The following A2ML1 variants were observed in gnomAD, a reference collection of about 807,000 sequenced individuals.
A2ML1 encodes alpha-2-macroglobulin like 1.
Under a neutral mutation model 181.9 loss-of-function variants are expected in A2ML1, and 161 were observed. The ratio of observed to expected loss-of-function variants is 0.89; its 90% CI spans 0.78 to 1.01. The LOEUF is 1.01. Among genes scored for constraint, A2ML1 ranks in the 50% least tolerant of loss-of-function variants. The probability of loss-of-function intolerance (pLI) is 0.00; values close to 1 mark genes in which losing one functional copy is unlikely to be tolerated. For synonymous variants in A2ML1, 663 were observed against 666.8 expected, an observed-to-expected ratio of 0.99 and a Z score of 0.09; for missense variants, 1,670 against 1,768.1, an observed-to-expected ratio of 0.94 and a Z score of 1.00.
chr12:8,853,826 C>T (rs1356800621), intron 20 of A2ML1, among the ~76,000 whole-genome samples: 1 of 152,190 alleles, frequency 6.6e-6, no homozygotes, highest in Non-Finnish European at 1.5e-5. Context: ...TACTTTCACC[C>T]TGTTCTCTTT....
Position 8,848,737 on chromosome 12 carries a change from A to G in A2ML1, c.1851A>G (p.Pro617=). ...TGTCCCAGGTCTATGGGATGTTTCCATTCTGGTATGGTCACTACCCCTATC... is the reference window on the plus strand; with the variant it reads ...TGTCCCAGGTCTATGGGATGTTTCCGTTCTGGTATGGTCACTACCCCTATC... The part of the protein sequence containing the change: ...LSNRSVYGMF[P]FWYGHYPYQV... Residue 617 remains proline, a synonymous_variant, in exon 16 of 36, where the codon CCA becomes CCG. Coordinates refer to ENST00000299698, the MANE Select transcript of A2ML1 (RefSeq NM_144670.6). The G allele has an allele frequency of 1.2e-6, 2 of 1,607,596 alleles. No individual in the cohort carries two copies. The highest frequency in any genetic ancestry group is 1.7e-5 in the Admixed American group (1 of 58,840).
chr12:8,880,639 T>G (rs1944861724), downstream of A2ML1: 1 of 148,852 alleles, frequency 6.7e-6, no homozygotes. Flanking sequence ...GAACGGGGAG[T>G]GGGAGGGGGA....
intron 11 of A2ML1, among the ~76,000 whole-genome samples, chr12:8,841,934 A>G (rs1264101675): frequency 6.6e-6 from 1 of 152,220 alleles, no homozygotes; most frequent in African/African-American, 2.4e-5. Context: ...ATAAGTATCA[A>G]TTATCAACTG....
intron 7 of A2ML1, among the ~76,000 whole-genome samples, chr12:8,882,614 G>T (rs190363652): frequency 2.2e-4 from 34 of 152,056 alleles, no homozygotes; most frequent in Non-Finnish European, 4.3e-4. Flanking sequence ...TATACACAAG[G>T]CTGCCTCTAT....
chr12:8,869,928 A>G (rs1454455243), intron 33 of A2ML1, among the ~76,000 whole-genome samples: 2 of 152,252 alleles, frequency 1.3e-5, no homozygotes, highest in Non-Finnish European at 2.9e-5. Flanking sequence ...TCATCACTTT[A>G]TAGCTATTCC....
chr12:8,823,699 G>C (rs1206151766), intron 2 of A2ML1, 21 bp from the exon 3 acceptor site: 3 of 1,609,356 alleles, frequency 1.9e-6, no homozygotes, highest in Non-Finnish European at 2.5e-6. Flanking sequence ...CCCCTCCCCA[G>C]AAGTCCCCTT....
Position 8,869,040 on chromosome 12 carries a change from A to G in A2ML1, c.4153-95A>G, listed in dbSNP as rs745978965. 1.8e-4 allele frequency: 216 copies of G among 1,206,248 alleles called. No individual in the cohort carries two copies. In the African/African-American group the frequency reaches 3.1e-3, roughly 17 times the overall value. The allele number at this position is 1,206,248 out of a possible 1,614,324, so 74.7% of individuals were successfully genotyped here. On this transcript the variant is annotated intron_variant, in intron 32 of 35. Coordinates refer to ENST00000299698, the MANE Select transcript of A2ML1 (RefSeq NM_144670.6). Reference sequence around the variant, plus strand: ...TCCCTTTTCCTACCTTTTCCACAGTATATATTGTTTCCTTGATCATGGCAG... The same window carrying G: ...TCCCTTTTCCTACCTTTTCCACAGTGTATATTGTTTCCTTGATCATGGCAG...
chr12:8,843,084 T>C, intron 11 of A2ML1, 50 bp from the exon 12 acceptor site: 1 of 1,548,998 alleles, frequency 6.5e-7, no homozygotes, highest in Non-Finnish European at 8.9e-7. Context: ...CCGTGGGGTT[T>C]CCATGGTTGG....
chr12:8,852,359 G>A lies in A2ML1; in HGVS notation c.2590+23G>A, dbSNP rs372642608. On this transcript the variant is annotated intron_variant, in intron 20 of 35. Coordinates refer to ENST00000299698, the MANE Select transcript of A2ML1 (RefSeq NM_144670.6). The surrounding 1 kb of genome is among the most constrained non-coding windows in gnomAD (Gnocchi z 4.2). Reference sequence around the variant, plus strand: ...TGGGTAAGAGAGGGAAGTGGTAGACGGGCGAGGAAAGCCAGCAGCAGAAGA... The same window carrying A: ...TGGGTAAGAGAGGGAAGTGGTAGACAGGCGAGGAAAGCCAGCAGCAGAAGA... 2.7e-5 allele frequency: 44 copies of A among 1,613,340 alleles called. No individual in the cohort carries two copies. Among genetic ancestry groups the A allele is most frequent in the Middle Eastern group, 1.6e-4 (1 of 6,078 alleles).
chr12:8,823,677 C>T (rs1411445549), intron 2 of A2ML1, 43 bp from the exon 3 acceptor site: 2 of 1,592,818 alleles, frequency 1.3e-6, no homozygotes, highest in Non-Finnish European at 1.7e-6. Context: ...ATTCTGTTCC[C>T]CCAATCCCTT....
At chr12:8,838,284 G>T in intron 8 of A2ML1, 52 bp from the exon 9 acceptor site, 1 of 1,248,970 alleles carries the variant, frequency 8.0e-7, no homozygotes, top group South Asian at 1.3e-5. Flanking sequence ...AATGGATGTA[G>T]AGATTAGATT....
In A2ML1 at chr12:8,829,848, G is replaced by A. The variant is rs1943054215; in HGVS notation, c.462+69G>A. 2.5e-6 allele frequency: 4 copies of A among 1,597,562 alleles called. No homozygotes were observed. In the South Asian group the frequency reaches 3.3e-5, roughly 13 times the overall value. ...AAAAGGATGAGAGATTCTCTAGGGT[G>A]GAAGTCCTCTCAGCCTGGGCGTGGC... On this transcript the variant is annotated intron_variant, in intron 4 of 35. Coordinates refer to ENST00000299698, the MANE Select transcript of A2ML1 (RefSeq NM_144670.6).
chr12:8,835,784 C>T lies in A2ML1; in HGVS notation c.643+118C>T, dbSNP rs912458284. 60 of 1,349,308 alleles carry T rather than the reference C, an allele frequency of 4.4e-5. No individual in the cohort carries two copies. The highest frequency in any genetic ancestry group is 1.3e-4 in the Admixed American group (6 of 45,172). The allele number at this position is 1,349,308 out of a possible 1,614,324, so 83.6% of individuals were successfully genotyped here. A position where few individuals can be genotyped will look rare whatever the true frequency, so the allele number is the denominator to read the frequency against. ...ATCCCAGGACTTTGGGAGGCCGAGG[C>T]GGGCAGATCATGAGGTCAGGAGATC... On this transcript the variant is annotated intron_variant, in intron 6 of 35. Transcript: ENST00000299698.
intron 10 of A2ML1, among the ~76,000 whole-genome samples, chr12:8,841,014 G>A (rs1943457844): frequency 2.5e-4 from 1 of 4,004 alleles, no homozygotes; most frequent in African/African-American, 2.7e-4. Flanking sequence ...AAGGAAGGAC[G>A]GAAGGAAGGA....
downstream of A2ML1, among the ~76,000 whole-genome samples, chr12:8,881,750 A>G (rs1383226954): frequency 1.3e-5 from 2 of 152,038 alleles, no homozygotes; most frequent in African/African-American, 2.4e-5. Flanking sequence ...GGTGGCTCAC[A>G]CCTGTAATCA....
chr12:8,849,537 AGAACACCCAG>A, intron 16 of A2ML1, 122 bp from the exon 17 acceptor site: 1 of 732,012 alleles, frequency 1.4e-6, no homozygotes, highest in South Asian at 2.0e-5. Context: ...GTTTCAGGTA[AGAACACCCAG>A]GTTCACCATT....
At chr12:8,829,905 T>G in intron 4 of A2ML1, 126 bp downstream of exon 4, 2 of 1,127,982 alleles carry the variant, frequency 1.8e-6, no homozygotes, top group Non-Finnish European at 1.3e-6. Context: ...GAGACTGCTG[T>G]GTGCGTGGGA....
At position 8,854,336 on chromosome 12, in the gene A2ML1, C is replaced by A. The variant is rs1202742518; in HGVS notation, c.2712+87C>A. On this transcript the variant is annotated intron_variant, in intron 21 of 35. Transcript: ENST00000299698. ...CTGTGAGTTAGTCTCTCACAGCAAC[C>A]ATACTCCAGTCCAACCAGGCAGCTT... is the stretch of plus-strand genomic sequence containing the variant. The A allele has an allele frequency of 2.1e-5, 32 of 1,489,630 alleles. No individual in the cohort carries two copies. The Middle Eastern group carries it at 7.6e-4, about 35-fold the overall frequency. 92.3% of individuals were successfully genotyped at this position (1,489,630 alleles called of 1,614,324 possible). A position where few individuals can be genotyped will look rare whatever the true frequency, so the allele number is the denominator to read the frequency against.
downstream of A2ML1, among the ~76,000 whole-genome samples, chr12:8,878,176 G>A (rs1463255607): frequency 6.6e-6 from 1 of 152,124 alleles, no homozygotes; most frequent in Non-Finnish European, 1.5e-5. The surrounding 1 kb of genome is among the most constrained non-coding windows in gnomAD (Gnocchi z 4.4). Context: ...GGTGGCAGGT[G>A]CCTATAATCC....
Sources: allele counts gnomAD v4.1 joint callset (sites outside exome capture counted in the v4.1 genomes callset), GRCh38; gene constraint gnomAD v4.1.1; non-coding constraint Gnocchi (gnomAD v3.1); transcripts MANE v1.5; gene names NCBI Gene and HGNC (gene_info 2026-07-23, HGNC 2026-07-21).